The following CCAR1 variants were observed in gnomAD, a reference collection of about 807,000 sequenced individuals.
CCAR1 encodes cell division cycle and apoptosis regulator protein 1.
CCAR1 carries 78 observed loss-of-function variants against 163.8 expected under a neutral mutation model. That is an observed-to-expected ratio of 0.48 (90% CI 0.40 to 0.57). CCAR1 has a LOEUF of 0.57. Among genes scored for constraint, CCAR1 ranks in the 20% least tolerant of loss-of-function variants. The probability of loss-of-function intolerance (pLI) is 0.00; values close to 1 mark genes in which losing one functional copy is unlikely to be tolerated. For synonymous variants in CCAR1, 443 were observed against 460.7 expected, an observed-to-expected ratio of 0.96 and a Z score of 0.49; for missense variants, 1,019 against 1,365.2, an observed-to-expected ratio of 0.75 and a Z score of 4.00.
At chr10:68,784,855 A>C (rs987963062) in intron 19 of CCAR1, among the ~76,000 whole-genome samples, 2 of 151,414 alleles carry the variant, frequency 1.3e-5, no homozygotes, top group Non-Finnish European at 2.9e-5. Context: ...ATCTTTTAAT[A>C]TATGTACTTT....
At chr10:68,722,896 T>G (rs1434137446) in intron 2 of CCAR1, among the ~76,000 whole-genome samples, 1 of 151,924 alleles carries the variant, frequency 6.6e-6, no homozygotes, top group East Asian at 1.9e-4. Flanking sequence ...CACTCCAGCC[T>G]GGGCGACAGA....
chr10:68,725,302 A>G lies in CCAR1; in HGVS notation c.73+2725A>G, dbSNP rs535887212. Among the ~76,000 whole-genome samples, 28 of 152,226 alleles carry G rather than the reference A, an allele frequency of 1.8e-4. 1 individual carries two copies. Among genetic ancestry groups the G allele is most frequent in the Admixed American group, 1.7e-3 (26 of 15,260 alleles). On this transcript the variant is annotated intron_variant, in intron 2 of 24. Coordinates refer to ENST00000265872, the MANE Select transcript of CCAR1 (RefSeq NM_018237.4). ...AACACAGTGAAACCTCCTCTCTACT[A>G]AAAATACAAAAATTAGACGGGCGTG...
chr10:68,775,564 C>T (rs1311505465), intron 19 of CCAR1, among the ~76,000 whole-genome samples: 1 of 148,528 alleles, frequency 6.7e-6, no homozygotes, highest in Non-Finnish European at 1.5e-5. Flanking sequence ...GGCGGGAGTG[C>T]AGTGGCACAG....
In CCAR1 at chr10:68,761,206, C is replaced by T. The variant is rs371222611; in HGVS notation, c.2106+14C>T. On this transcript the variant is annotated intron_variant, in intron 16 of 24. Coordinates refer to ENST00000265872, the MANE Select transcript of CCAR1 (RefSeq NM_018237.4). Reference sequence around the variant, plus strand: ...GACGATAAAGAGGTATGTACTCAATCTATTATTATACTCTATGGTATTAAT... The same window carrying T: ...GACGATAAAGAGGTATGTACTCAATTTATTATTATACTCTATGGTATTAAT... The T allele has an allele frequency of 6.6e-7, 1 of 1,520,714 alleles. No individual in the cohort carries two copies. The highest frequency in any genetic ancestry group is 1.4e-5 in the African/African-American group (1 of 71,592). The allele number at this position is 1,520,714 out of a possible 1,614,324, so 94.2% of individuals were successfully genotyped here.
At chr10:68,785,703 A>T (rs2056788496) in intron 19 of CCAR1, among the ~76,000 whole-genome samples, 2 of 152,170 alleles carry the variant, frequency 1.3e-5, no homozygotes, top group Non-Finnish European at 2.9e-5. Flanking sequence ...TTAACTATAG[A>T]ACATTTTTAT....
chr10:68,726,640 T>C (rs904339243), intron 2 of CCAR1, among the ~76,000 whole-genome samples: 1 of 152,130 alleles, frequency 6.6e-6, no homozygotes, highest in African/African-American at 2.4e-5. Flanking sequence ...ATAATCCTTA[T>C]TTTTCCTCCA....
chr10:68,789,342 A>G (rs2056828836), intron 23 of CCAR1, among the ~76,000 whole-genome samples: 1 of 151,828 alleles, frequency 6.6e-6, no homozygotes, highest in African/African-American at 2.4e-5. Flanking sequence ...CTGTAATCCC[A>G]GCACTTTGGG....
chr10:68,750,089 G>A (rs532725464), intron 10 of CCAR1, among the ~76,000 whole-genome samples: 2 of 151,878 alleles, frequency 1.3e-5, no homozygotes, highest in African/African-American at 4.8e-5. Context: ...ATTGATATGC[G>A]TATATACTCA....
chr10:68,783,776 A>AAGATGG (rs1248320879), intron 19 of CCAR1, among the ~76,000 whole-genome samples: 2 of 149,978 alleles, frequency 1.3e-5, no homozygotes, highest in Non-Finnish European at 3.0e-5. Flanking sequence ...TTTTTTTTTG[A>AAGATGG]AGATGGAGTC....
At chr10:68,741,566 G>A (rs903414418) in intron 5 of CCAR1, among the ~76,000 whole-genome samples, 1 of 152,186 alleles carries the variant, frequency 6.6e-6, no homozygotes, top group Non-Finnish European at 1.5e-5. Context: ...TACGTAGAGT[G>A]AAATACTATG....
In CCAR1 at chr10:68,756,200, G is replaced by A; in HGVS notation, c.1626-73G>A. 2 of 1,221,834 alleles carry A rather than the reference G, an allele frequency of 1.6e-6. No homozygotes were observed. Among genetic ancestry groups the A allele is most frequent in the Non-Finnish European group, 2.3e-6 (2 of 855,516 alleles). 75.7% of individuals were successfully genotyped at this position (1,221,834 alleles called of 1,614,324 possible). A position where few individuals can be genotyped will look rare whatever the true frequency, so the allele number is the denominator to read the frequency against. On this transcript the variant is annotated intron_variant, in intron 13 of 24. Coordinates refer to ENST00000265872, the MANE Select transcript of CCAR1 (RefSeq NM_018237.4). This position sits in a 1 kb window ranked among gnomAD's most constrained non-coding sequence, Gnocchi z 5.1. Reference sequence around the variant, plus strand: ...GCAGCAAAATTTCTTTACTTGATGTGCTACAAGTGAACTAGGGTCTTTAAA... The same window carrying A: ...GCAGCAAAATTTCTTTACTTGATGTACTACAAGTGAACTAGGGTCTTTAAA...
At chr10:68,723,909 A>G (rs146491805) in intron 2 of CCAR1, among the ~76,000 whole-genome samples, 57 of 152,044 alleles carry the variant, frequency 3.7e-4, no homozygotes, top group African/African-American at 1.3e-3. Context: ...CTGTAATCCC[A>G]GCACTTTGGG....
intron 2 of CCAR1, among the ~76,000 whole-genome samples, chr10:68,731,591 GTTTTTTTTTTTTT>G (rs67032408): frequency 2.6e-5 from 2 of 75,624 alleles, no homozygotes; most frequent in Non-Finnish European, 4.8e-5. Context: ...TCTTGTTTCT[GTTTTTTTTTTTTT>G]TTTTTTTTTT....
At chr10:68,745,303 G>T (rs1234256418) in intron 6 of CCAR1, among the ~76,000 whole-genome samples, 2 of 151,502 alleles carry the variant, frequency 1.3e-5, no homozygotes, top group African/African-American at 4.8e-5. Context: ...GCCACGCCCG[G>T]CCCTTTTTGT....
chr10:68,725,954 A>C (rs148156784), intron 2 of CCAR1, among the ~76,000 whole-genome samples: 294 of 151,950 alleles, frequency 1.9e-3, no homozygotes, highest in African/African-American at 6.7e-3. Flanking sequence ...CATCTGCAGA[A>C]ACTCAAAAAT....
intron 2 of CCAR1, among the ~76,000 whole-genome samples, chr10:68,730,122 A>G (rs985996787): frequency 3.3e-5 from 5 of 151,576 alleles, no homozygotes; most frequent in African/African-American, 1.2e-4. Context: ...GGGTTTTGCC[A>G]TGTTGGTCAG....
At chr10:68,734,372 T>G (rs565632409) in intron 2 of CCAR1, among the ~76,000 whole-genome samples, 4 of 152,190 alleles carry the variant, frequency 2.6e-5, no homozygotes, top group Admixed American at 2.6e-4. Context: ...CTAGATACCA[T>G]TGAGAAAATT....
At chr10:68,784,313 T>C (rs1023352254) in intron 19 of CCAR1, among the ~76,000 whole-genome samples, 2 of 151,950 alleles carry the variant, frequency 1.3e-5, no homozygotes, top group African/African-American at 4.8e-5. Flanking sequence ...CCTCCCGGGT[T>C]CACACAATTC....
chr10:68,749,107 T>C, intron 8 of CCAR1, 29 bp from the exon 9 acceptor site: 2 of 1,613,672 alleles, frequency 1.2e-6, no homozygotes, highest in Non-Finnish European at 1.7e-6. Flanking sequence ...TTAGACACGC[T>C]AAACGTTTTT....
Sources: allele counts gnomAD v4.1 joint callset (sites outside exome capture counted in the v4.1 genomes callset), GRCh38; gene constraint gnomAD v4.1.1; non-coding constraint Gnocchi (gnomAD v3.1); transcripts MANE v1.5; gene names NCBI Gene and HGNC (gene_info 2026-07-23, HGNC 2026-07-21).